Variants in TMC6 observed in about 807,000 individuals in gnomAD.
The protein encoded by TMC6 is transmembrane channel-like protein 6.
Under a neutral mutation model 95.4 loss-of-function variants are expected in TMC6, and 71 were observed. That is an observed-to-expected ratio of 0.74 (90% confidence interval 0.61 to 0.91). The LOEUF (loss-of-function observed/expected upper bound fraction) is 0.91, where lower values mean the gene tolerates loss of function less well. Among genes scored for constraint, TMC6 ranks in the 40% least tolerant of loss-of-function variants. TMC6 has a pLI of 0.00. For synonymous variants in TMC6, 514 were observed against 483.1 expected (o/e 1.06, Z -0.84); for missense variants, 1,074 against 1,079.1 (o/e 1.00, Z 0.07).
Position 78,121,516 on chromosome 17 carries a change from C to T in TMC6, c.1383+40G>A. ...GGCAGGTGCCCAGAGTCACTGGGGA[C>T]ACGTTCCAAGCAAGGGCCAGGCTCC... On this transcript the variant is annotated intron_variant, in intron 11 of 19. Coordinates refer to ENST00000590602, the MANE Select transcript of TMC6 (RefSeq NM_001127198.5). This position sits in a 1 kb window ranked among gnomAD's most constrained non-coding sequence, Gnocchi z 5.6. 6.2e-7 allele frequency: 1 copy of T among 1,610,428 alleles called. No individual in the cohort carries two copies. Among genetic ancestry groups the T allele is most frequent in the Non-Finnish European group, 8.5e-7 (1 of 1,179,600 alleles).
chr17:78,115,083 C>T (rs1341830558), intron 18 of TMC6, among the ~76,000 whole-genome samples: 3 of 152,254 alleles, frequency 2.0e-5, no homozygotes, highest in Admixed American at 6.5e-5. Context: ...GCCAGGCTTT[C>T]AGCTCTATGT....
At chr17:78,119,263 G>A (rs761216875) in intron 14 of TMC6, 34 bp downstream of exon 14, 1 of 1,610,602 alleles carries the variant, frequency 6.2e-7, no homozygotes, top group Non-Finnish European at 8.5e-7. Flanking sequence ...TGACCGAGGG[G>A]CCAGACAGTA....
chr17:78,109,621 C>T lies in TMC6; in HGVS notation c.*3527G>A, dbSNP rs752127286. On this transcript the variant is annotated 3_prime_UTR_variant, in exon 20 of 20. Transcript: ENST00000590602. ...GCTCCGGGATGGGCAACAGAAAGAC[C>T]CCATCTCAAAAAAGCAGAAGCACAT... 1 of 448,952 alleles carries T rather than the reference C, an allele frequency of 2.2e-6. No individual in the cohort carries two copies. Among genetic ancestry groups the T allele is most frequent in the African/African-American group, 2.0e-5 (1 of 49,480 alleles). 27.8% of individuals were successfully genotyped at this position (448,952 alleles called of 1,614,324 possible). A position where few individuals can be genotyped will look rare whatever the true frequency, so the allele number is the denominator to read the frequency against.
chr17:78,130,505 C>T (rs379149), upstream of TMC6: 19,014 of 152,452 alleles, frequency 0.12, 1,252 homozygotes, highest in South Asian at 0.16. Flanking sequence ...GCGGCAGACC[C>T]GGACCAGTGG....
chr17:78,130,905 C>G, upstream of TMC6: 1 of 154,572 alleles, frequency 6.5e-6, no homozygotes, highest in Non-Finnish European at 1.4e-5. Context: ...GCTGTGGGGG[C>G]CAGCTAGAGC....
Position 78,126,823 on chromosome 17 carries a change from G to C in TMC6, c.10C>G (p.Pro4Ala). Residue 4 changes from proline (P) to alanine (A), a missense_variant, in exon 2 of 20, where the codon CCA becomes GCA. Pro to Ala is a conservative substitution (Grantham distance 27). Transcript: ENST00000590602. The stretch of plus-strand genomic sequence containing the variant: ...GGGACATCGAGGATGAAGGCCAGTG[G>C]CTGGGCCATGTCTCTGGCCAATGCC... MAQ[P>A]LAFILDVPET... The C allele has an allele frequency of 6.2e-7, 1 of 1,612,528 alleles. No individual in the cohort carries two copies. Among genetic ancestry groups the C allele is most frequent in the Non-Finnish European group, 8.5e-7 (1 of 1,179,902 alleles).
chr17:78,124,921 A>C lies in TMC6; in HGVS notation c.601T>G (p.Cys201Gly), dbSNP rs1174634112. 6.3e-7 allele frequency: 1 copy of C among 1,598,964 alleles called. No homozygotes were observed. The highest frequency in any genetic ancestry group is 1.3e-5 in the African/African-American group (1 of 74,784). Residue 201 changes from cysteine (C) to glycine (G), a missense_variant, in exon 7 of 20, where the codon TGC becomes GGC. Transcript: ENST00000590602. ...GQPGSGGVCS[C>G]CGRLRYACVL... ...CAGGCATATCTGAGCCGGCCACAGCAGGAGCAGACCCCGCCGCTGCCCGGC... is the reference window on the plus strand; with the variant it reads ...CAGGCATATCTGAGCCGGCCACAGCCGGAGCAGACCCCGCCGCTGCCCGGC...
At chr17:78,125,905 G>C in intron 4 of TMC6, 21 bp from the exon 5 acceptor site, 1 of 1,550,088 alleles carries the variant, frequency 6.5e-7, no homozygotes, top group Middle Eastern at 1.7e-4. Context: ...AGCTGGGCAG[G>C]GCCGGGCCGG....
At chr17:78,126,477 C>A (rs1368131518) in intron 3 of TMC6, 47 bp downstream of exon 3, 9 of 1,610,908 alleles carry the variant, frequency 5.6e-6, no homozygotes, top group Non-Finnish European at 7.6e-6. Flanking sequence ...GGGGCTGGGG[C>A]ACCCAAGTCT....
rs896967923 is a variant in TMC6, at chr17:78,107,412, C to T, written c.*5736G>A. On this transcript the variant is annotated 3_prime_UTR_variant, in exon 20 of 20. Transcript: ENST00000590602. Reference sequence around the variant, plus strand: ...GCATCGAAAGTTGCTTTCGAAAGTACAACGCTTTATTGAATCTTAATAAAT... The same window carrying T: ...GCATCGAAAGTTGCTTTCGAAAGTATAACGCTTTATTGAATCTTAATAAAT... 6.6e-6 allele frequency: 1 copy of T among 152,164 alleles called. No homozygotes were observed. The highest frequency in any genetic ancestry group is 2.4e-5 in the African/African-American group (1 of 41,430). 9.4% of individuals were successfully genotyped at this position (152,164 alleles called of 1,614,324 possible). A position where few individuals can be genotyped will look rare whatever the true frequency, so the allele number is the denominator to read the frequency against.
chr17:78,108,098 C>G lies in TMC6; in HGVS notation c.*5050G>C, dbSNP rs1039509258. 3 of 152,230 alleles carry G rather than the reference C, an allele frequency of 2.0e-5. No homozygotes were observed. Among genetic ancestry groups the G allele is most frequent in the African/African-American group, 7.2e-5 (3 of 41,426 alleles). 9.4% of individuals were successfully genotyped at this position (152,230 alleles called of 1,614,324 possible). Reference sequence around the variant, plus strand: ...GGTTGGCATTGGTGTTACAGACAGGCCTCTGAAGACAAACCGAGCACCCCA... The same window carrying G: ...GGTTGGCATTGGTGTTACAGACAGGGCTCTGAAGACAAACCGAGCACCCCA... On this transcript the variant is annotated 3_prime_UTR_variant, in exon 20 of 20. Transcript: ENST00000590602.
chr17:78,116,572 G>A (rs1271806083), intron 18 of TMC6, among the ~76,000 whole-genome samples: 1 of 151,194 alleles, frequency 6.6e-6, no homozygotes, highest in African/African-American at 2.4e-5. Context: ...ACCACACCCG[G>A]TCAAACATTG....
upstream of TMC6, chr17:78,131,369 T>G (rs2074959521): frequency 4.7e-6 from 3 of 637,488 alleles, no homozygotes; most frequent in Non-Finnish European, 5.4e-6. Flanking sequence ...TTCTCTCTCA[T>G]TTCTGAGCCC....
chr17:78,124,391 C>G, intron 8 of TMC6, 133 bp downstream of exon 8: 1 of 1,453,310 alleles, frequency 6.9e-7, no homozygotes, highest in Non-Finnish European at 9.3e-7. Flanking sequence ...AGGCGGGGAG[C>G]TGGCTGTGGC....
At chr17:78,115,427 C>T (rs558980647) in intron 18 of TMC6, among the ~76,000 whole-genome samples, 18 of 152,242 alleles carry the variant, frequency 1.2e-4, no homozygotes, top group African/African-American at 3.9e-4. Context: ...GGATGGGGAG[C>T]CCTAGGGGGA....
intron 15 of TMC6, 91 bp from the exon 16 acceptor site, chr17:78,118,026 G>C (rs1319040456): frequency 1.0e-5 from 16 of 1,542,846 alleles, no homozygotes; most frequent in East Asian, 4.8e-5. Context: ...GGGCGACCAG[G>C]GCTGTGCGTC....
chr17:78,126,699 C>T lies in TMC6; in HGVS notation c.57-51G>A, dbSNP rs1285993224. 6 of 1,612,226 alleles carry T rather than the reference C, an allele frequency of 3.7e-6. No homozygotes were observed. In the South Asian group the frequency reaches 5.5e-5, roughly 15 times the overall value. Reference sequence around the variant, plus strand: ...CAGGCTCCAGCCACCTCTCTCCTTCCAGCAGCCCCTGCTCAGGTGACCTCT... The same window carrying T: ...CAGGCTCCAGCCACCTCTCTCCTTCTAGCAGCCCCTGCTCAGGTGACCTCT... On this transcript the variant is annotated intron_variant, in intron 2 of 19. Transcript: ENST00000590602.
intron 5 of TMC6, 151 bp from the exon 6 acceptor site, chr17:78,125,414 T>A: frequency 1.2e-6 from 1 of 818,066 alleles, no homozygotes; most frequent in Admixed American, 2.0e-5. Context: ...ATCAGCCGTG[T>A]GTTTGCTTCA....
Position 78,126,796 on chromosome 17 carries a change from C to T in TMC6, c.37G>A (p.Glu13Lys). Residue 13 changes from glutamate to lysine, a missense_variant, in exon 2 of 20, where the codon GAG becomes AAG. Transcript: ENST00000590602. ...QPLAFILDVPETPGDQGQGPS... is the reference protein window; with the variant it reads ...QPLAFILDVPKTPGDQGQGPS... ...GCTTACCCCTGGTCCCCTGGGGTCT[C>T]AGGGACATCGAGGATGAAGGCCAGT... The T allele has an allele frequency of 6.2e-7, 1 of 1,613,326 alleles. No homozygotes were observed. Among genetic ancestry groups the T allele is most frequent in the Non-Finnish European group, 8.5e-7 (1 of 1,179,968 alleles).
Sources: gnomAD v4.1 joint callset for allele counts (sites outside exome capture counted in the v4.1 genomes callset) on GRCh38, gnomAD v4.1.1 for gene constraint, Gnocchi (gnomAD v3.1) non-coding constraint, MANE v1.5 for transcripts, NCBI Gene and HGNC (gene_info 2026-07-23, HGNC 2026-07-21) for gene names.